The following MATN2 variants were observed in gnomAD, a reference collection of about 807,000 sequenced individuals.
MATN2 encodes matrilin 2.
A neutral mutation model predicts 103.2 loss-of-function variants in MATN2; 69 were observed. That is an observed-to-expected ratio of 0.67 (90% CI 0.55 to 0.82). The LOEUF is 0.82. Ranked by LOEUF, MATN2 falls within the 40% of genes least tolerant of loss-of-function variation. MATN2 has a pLI of 0.00. For missense variants in MATN2, 1,023 were observed against 1,211.5 expected, an observed-to-expected ratio of 0.84 and a Z score of 2.31; for synonymous variants, 429 against 450.2, an observed-to-expected ratio of 0.95 and a Z score of 0.60.
chr8:97,997,817 G>GTTTT (rs34347663), intron 7 of MATN2, among the ~76,000 whole-genome samples: 3 of 133,654 alleles, frequency 2.2e-5, no homozygotes, highest in Non-Finnish European at 3.2e-5. Context: ...TTTGGAGAAG[G>GTTTT]TTTTTTTTTT....
At chr8:97,927,323 A>AT (rs1404700693) in intron 2 of MATN2, among the ~76,000 whole-genome samples, 14 of 73,310 alleles carry the variant, frequency 1.9e-4, no homozygotes, top group African/African-American at 6.2e-4. Context: ...TTGTATTATT[A>AT]TTATTTTTTT....
chr8:97,977,235 C>CAAAAAAAAAA (rs34634037), intron 5 of MATN2, among the ~76,000 whole-genome samples: 2 of 35,936 alleles, frequency 5.6e-5, no homozygotes, highest in Non-Finnish European at 8.8e-5. Context: ...GACCCTGTCT[C>CAAAAAAAAAA]AAAAAAAAAA....
intron 5 of MATN2, among the ~76,000 whole-genome samples, chr8:97,962,374 TA>T (rs998403568): frequency 6.6e-6 from 1 of 152,268 alleles, no homozygotes; most frequent in Admixed American, 6.5e-5. Flanking sequence ...AGGGTATGCT[TA>T]TATTTTTGCA....
chr8:97,878,042 G>A (rs557752974), intron 1 of MATN2, among the ~76,000 whole-genome samples: 6 of 151,832 alleles, frequency 4.0e-5, no homozygotes, highest in African/African-American at 1.4e-4. Context: ...TAGAGAGGCA[G>A]GTAAGGCATT....
rs138553363 is a variant in MATN2 at position 97,966,312 on chromosome 8, TTG to T, written c.958+4785_958+4786del. Among the ~76,000 whole-genome samples the T allele has an allele frequency of 9.1e-3, 1,377 of 152,144 alleles. 21 individuals carry two copies. Among genetic ancestry groups the T allele is most frequent in the African/African-American group, 0.031 (1,307 of 41,498 alleles). ...GGCTCATGCCTGTAAACCTAGGACT[TTG>T]TGAGGCCAAGGTGGGAGGATTGCTT... On this transcript the variant is annotated intron_variant, in intron 5 of 18. Transcript: ENST00000254898.
At chr8:97,881,112 T>G (rs1291175596) in intron 1 of MATN2, among the ~76,000 whole-genome samples, 1 of 152,218 alleles carries the variant, frequency 6.6e-6, no homozygotes, top group African/African-American at 2.4e-5. Flanking sequence ...ATCCAGACAC[T>G]TAATAAATAT....
At chr8:97,959,973 A>G (rs1811252377) in intron 4 of MATN2, among the ~76,000 whole-genome samples, 1 of 152,010 alleles carries the variant, frequency 6.6e-6, no homozygotes, top group African/African-American at 2.4e-5. Context: ...TTTGTTTGAG[A>G]CAGTCTTGTT....
Position 98,021,244 on chromosome 8 carries a change from A to G in MATN2, c.1859A>G (p.His620Arg), listed in dbSNP as rs780298642. Reference sequence around the variant, plus strand: ...AAATCAACCCACCATGGCTGCGAACACATTTGTGTTAATAATGGGAATTCC... The same window carrying G: ...AAATCAACCCACCATGGCTGCGAACGCATTTGTGTTAATAATGGGAATTCC... ...VCKSTHHGCE[H>R]ICVNNGNSYI... The change falls in exon 13 of 19, where the codon CAC becomes CGC. Residue 620 changes from histidine (H) to arginine (R), a missense_variant. Physicochemically the swap from His to Arg is conservative, Grantham distance 29. Transcript: ENST00000254898. 2.5e-6 allele frequency: 4 copies of G among 1,613,642 alleles called. No individual in the cohort carries two copies. The East Asian group carries it at 6.7e-5, about 27-fold the overall frequency.
At chr8:97,957,523 G>A (rs527584823) in intron 4 of MATN2, among the ~76,000 whole-genome samples, 40 of 152,332 alleles carry the variant, frequency 2.6e-4, no homozygotes, top group Admixed American at 9.8e-4. Flanking sequence ...AAAACAGTAA[G>A]AAAGGACAAT....
chr8:97,965,352 G>C (rs1811446293), intron 5 of MATN2, among the ~76,000 whole-genome samples: 1 of 152,154 alleles, frequency 6.6e-6, no homozygotes, highest in Non-Finnish European at 1.5e-5. Flanking sequence ...CAACCTCATG[G>C]GGAACTGCAG....
chr8:97,988,152 C>CAA lies in MATN2; in HGVS notation c.1082-6309_1082-6308dup, dbSNP rs869146483. 7.5e-3 allele frequency among the ~76,000 whole-genome samples: 496 copies of CAA among 65,832 alleles called. 17 individuals are homozygous for CAA. Among genetic ancestry groups the CAA allele is most frequent in the Non-Finnish European group, 0.011 (404 of 38,438 alleles). 43.2% of individuals were successfully genotyped at this position (65,832 alleles called of 152,430 possible). On this transcript the variant is annotated intron_variant, in intron 6 of 18. Coordinates refer to ENST00000254898, the MANE Select transcript of MATN2 (RefSeq NM_002380.5). Reference sequence around the variant, plus strand: ...TGGGCAACATAGAGCCCATCTCCACCAAAAAAAAAAAAAAAAAAAATATAT... The same window carrying CAA: ...TGGGCAACATAGAGCCCATCTCCACCAAAAAAAAAAAAAAAAAAAAAATATAT...
chr8:97,989,704 AC>A (rs1563711174), intron 6 of MATN2, among the ~76,000 whole-genome samples: 3 of 152,132 alleles, frequency 2.0e-5, no homozygotes, highest in African/African-American at 7.2e-5. Flanking sequence ...TTAAAAAAAA[AC>A]ACCATCTTTA....
At chr8:97,995,353 T>C (rs1222691449) in intron 7 of MATN2, among the ~76,000 whole-genome samples, 2 of 152,262 alleles carry the variant, frequency 1.3e-5, no homozygotes, top group Admixed American at 1.3e-4. Context: ...TGAATCTTTC[T>C]ATGATGTATC....
intron 5 of MATN2, among the ~76,000 whole-genome samples, chr8:97,978,505 T>G (rs2130309042): frequency 6.6e-6 from 1 of 152,352 alleles, no homozygotes; most frequent in East Asian, 1.9e-4. Context: ...CAAAAGGATC[T>G]TTCTCAATTT....
chr8:97,997,286 G>A (rs1247498682), intron 7 of MATN2, among the ~76,000 whole-genome samples: 1 of 152,188 alleles, frequency 6.6e-6, no homozygotes, highest in Non-Finnish European at 1.5e-5. Flanking sequence ...GCTTGGCAAT[G>A]TCACTCATAT....
intron 2 of MATN2, among the ~76,000 whole-genome samples, chr8:97,893,089 G>A (rs182514608): frequency 9.1e-4 from 138 of 152,304 alleles, no homozygotes; most frequent in Admixed American, 2.0e-3. Context: ...AGGGCTTTAA[G>A]CAGTCAACAG....
chr8:97,935,065 G>A (rs528322558), intron 3 of MATN2, among the ~76,000 whole-genome samples: 19 of 152,108 alleles, frequency 1.2e-4, no homozygotes, highest in African/African-American at 3.4e-4. Flanking sequence ...TAAAATAGCC[G>A]TTTGAGATAG....
At chr8:97,912,645 A>G (rs1809486204) in intron 2 of MATN2, among the ~76,000 whole-genome samples, 1 of 152,030 alleles carries the variant, frequency 6.6e-6, no homozygotes. Flanking sequence ...GCCTGCAGAG[A>G]CGTAGGGGTG....
intron 4 of MATN2, among the ~76,000 whole-genome samples, chr8:97,949,316 C>T (rs1253692904): frequency 6.6e-6 from 1 of 151,944 alleles, no homozygotes; most frequent in Non-Finnish European, 1.5e-5. Context: ...TACAGGCACG[C>T]ACCACCAAGC....
Sources: allele counts gnomAD v4.1 joint callset (sites outside exome capture counted in the v4.1 genomes callset), GRCh38; gene constraint gnomAD v4.1.1; transcripts MANE v1.5; gene names NCBI Gene and HGNC (gene_info 2026-07-23, HGNC 2026-07-21).